Variants in GRM3 observed in about 807,000 individuals in gnomAD.
GRM3 encodes the protein glutamate metabotropic receptor 3, also known as metabotropic glutamate receptor 3.
In GRM3, 26 loss-of-function variants were observed where a neutral mutation model predicts 70.5. That is an observed-to-expected ratio of 0.37 (90% confidence interval 0.27 to 0.51). The LOEUF (loss-of-function observed/expected upper bound fraction) is 0.51. Among genes scored for constraint, GRM3 ranks in the 20% least tolerant of loss-of-function variants. The probability of loss-of-function intolerance (pLI) is 0.93; values close to 1 mark genes in which losing one functional copy is unlikely to be tolerated. For synonymous variants in GRM3, 443 were observed against 434.9 expected (o/e 1.02, Z -0.23); for missense variants, 859 against 1,123.8 (o/e 0.76, Z 3.37).
At chr7:86,754,696 G>A (rs1260214424) in intron 1 of GRM3, among the ~76,000 whole-genome samples, 4 of 152,162 alleles carry the variant, frequency 2.6e-5, no homozygotes, top group African/African-American at 4.8e-5. Flanking sequence ...GTATGGGAAA[G>A]ACAGAGAGAG....
At chr7:86,663,468 A>G (rs1334484601) in intron 1 of GRM3, among the ~76,000 whole-genome samples, 1 of 152,032 alleles carries the variant, frequency 6.6e-6, no homozygotes, top group Non-Finnish European at 1.5e-5. Flanking sequence ...GTTTGGAGGT[A>G]ACTGAGAAAA....
At chr7:86,726,919 C>T (rs1294786642) in intron 1 of GRM3, among the ~76,000 whole-genome samples, 1 of 152,126 alleles carries the variant, frequency 6.6e-6, no homozygotes, top group Non-Finnish European at 1.5e-5. Context: ...TTGAAATGGA[C>T]AACTTTGACA....
intron 3 of GRM3, among the ~76,000 whole-genome samples, chr7:86,799,397 T>G (rs1797630231): frequency 6.6e-6 from 1 of 152,122 alleles, no homozygotes; most frequent in Non-Finnish European, 1.5e-5. Context: ...TTGATAGGAG[T>G]AGAGAGAGAG....
rs958340234 is a variant in GRM3, at chr7:86,839,952, T to C, written c.2391+47T>C. On this transcript the variant is annotated intron_variant, in intron 4 of 5. Transcript: ENST00000361669. This position sits in a 1 kb window ranked among gnomAD's most constrained non-coding sequence, Gnocchi z 4.5. ...ATTTTTCTTGTTCTTTCTCCTCCAG[T>C]GTTTCTTGTGTAGTATTTAAAATAG... 3.7e-6 allele frequency: 4 copies of C among 1,084,728 alleles called. No individual in the cohort carries two copies. In the African/African-American group the frequency reaches 4.7e-5, roughly 13 times the overall value. The allele number at this position is 1,084,728 out of a possible 1,614,324, so 67.2% of individuals were successfully genotyped here.
At chr7:86,862,032 C>T (rs376045714) in intron 5 of GRM3, among the ~76,000 whole-genome samples, 8 of 151,640 alleles carry the variant, frequency 5.3e-5, no homozygotes, top group East Asian at 1.9e-4. Context: ...GGGGCAGGGT[C>T]GAAACAAAAA....
chr7:86,727,328 C>A (rs1795615417), intron 1 of GRM3, among the ~76,000 whole-genome samples: 1 of 152,114 alleles, frequency 6.6e-6, no homozygotes. Flanking sequence ...CTACCCCAGC[C>A]CCATTCATAT....
At chr7:86,722,797 C>A (rs1048766824) in intron 1 of GRM3, among the ~76,000 whole-genome samples, 1 of 152,022 alleles carries the variant, frequency 6.6e-6, no homozygotes, top group Non-Finnish European at 1.5e-5. Flanking sequence ...ACTTATCTAG[C>A]AAATTTGAGA....
intron 1 of GRM3, among the ~76,000 whole-genome samples, chr7:86,738,387 G>A (rs1441776211): frequency 6.6e-6 from 1 of 152,202 alleles, no homozygotes; most frequent in Admixed American, 6.5e-5. Context: ...GACAGAGACA[G>A]AAGTCCCTTT....
intron 1 of GRM3, among the ~76,000 whole-genome samples, chr7:86,758,095 C>T (rs2116386708): frequency 6.6e-6 from 1 of 152,254 alleles, no homozygotes; most frequent in South Asian, 2.1e-4. Context: ...CAGTCCCTCT[C>T]TCACTCTCTA....
intron 1 of GRM3, among the ~76,000 whole-genome samples, chr7:86,671,570 T>A (rs1464642408): frequency 2.0e-5 from 3 of 152,194 alleles, no homozygotes; most frequent in African/African-American, 7.2e-5. Flanking sequence ...TATTAATATC[T>A]ACTGAAATGA....
At chr7:86,736,226 A>C (rs937245546) in intron 1 of GRM3, among the ~76,000 whole-genome samples, 14 of 152,292 alleles carry the variant, frequency 9.2e-5, no homozygotes, top group African/African-American at 2.9e-4. Context: ...TCCTCATGGG[A>C]AGGCAGGTAG....
intron 1 of GRM3, among the ~76,000 whole-genome samples, chr7:86,656,943 C>CTATAATAATGCA (rs1292078832): frequency 1.3e-5 from 2 of 151,980 alleles, no homozygotes; most frequent in Non-Finnish European, 2.9e-5. Context: ...TTAGCAGAGT[C>CTATAATAATGCA]TATAATAATG....
chr7:86,708,704 C>T (rs1795115123), intron 1 of GRM3, among the ~76,000 whole-genome samples: 1 of 152,100 alleles, frequency 6.6e-6, no homozygotes, highest in African/African-American at 2.4e-5. Context: ...TAAAGAAATT[C>T]ACCCAGAAGC....
chr7:86,793,755 C>T (rs985321490), intron 3 of GRM3, among the ~76,000 whole-genome samples: 2 of 152,146 alleles, frequency 1.3e-5, no homozygotes, highest in African/African-American at 4.8e-5. Context: ...TAATTTTCCA[C>T]TTAGGCTTGT....
rs778623586 is a variant in GRM3 at position 86,786,458 on chromosome 7, C to T, written c.666C>T (p.Tyr222=). ...CCACAGTAGCCTCCGAGGGTGATTACGGGGAGACAGGGATCGAGGCCTTCG... is the reference window on the plus strand; with the variant it reads ...CCACAGTAGCCTCCGAGGGTGATTATGGGGAGACAGGGATCGAGGCCTTCG... The part of the protein sequence containing the change: ...YVSTVASEGD[Y]GETGIEAFEQ... Residue 222 remains tyrosine (Y), a synonymous_variant, in exon 3 of 6, where the codon TAC becomes TAT. Coordinates refer to ENST00000361669, the MANE Select transcript of GRM3 (RefSeq NM_000840.3). The surrounding 1 kb of genome is among the most constrained non-coding windows in gnomAD (Gnocchi z 6.0). The T allele has an allele frequency of 1.2e-6, 2 of 1,614,242 alleles. No individual in the cohort carries two copies. Among genetic ancestry groups the T allele is most frequent in the South Asian group, 1.1e-5 (1 of 91,080 alleles).
intron 1 of GRM3, among the ~76,000 whole-genome samples, chr7:86,729,096 CT>C (rs1795660437): frequency 6.6e-6 from 1 of 152,142 alleles, no homozygotes; most frequent in Admixed American, 6.5e-5. Context: ...TTCTGATTAG[CT>C]TCCTTTTGTG....
intron 1 of GRM3, among the ~76,000 whole-genome samples, chr7:86,764,738 A>G (rs1796559190): frequency 6.6e-6 from 1 of 152,108 alleles, no homozygotes; most frequent in Admixed American, 6.6e-5. Flanking sequence ...CTGGAGTCCA[A>G]ACCCAATCTG....
At chr7:86,761,608 T>C (rs1428857478) in intron 1 of GRM3, among the ~76,000 whole-genome samples, 1 of 152,168 alleles carries the variant, frequency 6.6e-6, no homozygotes, top group Non-Finnish European at 1.5e-5. Context: ...TCTATATTCC[T>C]TCAAGAAACA....
intron 2 of GRM3, among the ~76,000 whole-genome samples, chr7:86,770,283 G>C (rs959029663): frequency 6.6e-6 from 1 of 152,132 alleles, no homozygotes; most frequent in African/African-American, 2.4e-5. Context: ...ATTTGGCTTA[G>C]ATGGCATGTA....
Sources: allele counts gnomAD v4.1 joint callset (sites outside exome capture counted in the v4.1 genomes callset), GRCh38; gene constraint gnomAD v4.1.1; non-coding constraint Gnocchi (gnomAD v3.1); transcripts MANE v1.5; gene names NCBI Gene and HGNC (gene_info 2026-07-23, HGNC 2026-07-21).